Variants in LIFR observed in about 807,000 individuals in gnomAD.
LIFR encodes the protein LIF receptor subunit alpha, also known as leukemia inhibitory factor receptor.
Under a neutral mutation model 122.2 loss-of-function variants are expected in LIFR, and 84 were observed. The ratio of observed to expected loss-of-function variants is 0.69; its 90% CI spans 0.58 to 0.82. The LOEUF is 0.82. LIFR is among the 40% of genes least tolerant of loss of function. LIFR has a pLI of 0.00. For synonymous variants in LIFR, 422 were observed against 434.7 expected, an observed-to-expected ratio of 0.97 and a Z score of 0.36; for missense variants, 1,294 against 1,311.6, an observed-to-expected ratio of 0.99 and a Z score of 0.21.
intron 1 of LIFR, among the ~76,000 whole-genome samples, chr5:38,567,508 T>TTATTTATG (rs1289925358): frequency 9.6e-5 from 14 of 145,454 alleles, no homozygotes; most frequent in African/African-American, 3.3e-4. Context: ...ATTTATTTAT[T>TTATTTATG]TATTTATTTA....
chr5:38,595,888 C>T (rs917266831), upstream of LIFR, among the ~76,000 whole-genome samples: 2 of 151,752 alleles, frequency 1.3e-5, no homozygotes, highest in African/African-American at 4.8e-5. Context: ...CGCCCGCCAC[C>T]GCGCCCGGCT....
chr5:38,564,755 C>T (rs1748958685), intron 1 of LIFR, among the ~76,000 whole-genome samples: 1 of 150,838 alleles, frequency 6.6e-6, no homozygotes, highest in Admixed American at 6.6e-5. Flanking sequence ...CACACACACA[C>T]ACACACACAC....
Position 38,511,956 on chromosome 5 carries a change from G to A in LIFR, c.570C>T (p.His190=). 1 of 1,613,934 alleles carries A rather than the reference G, an allele frequency of 6.2e-7. No homozygotes were observed. Among genetic ancestry groups the A allele is most frequent in the Non-Finnish European group, 8.5e-7 (1 of 1,179,938 alleles). The change falls in exon 6 of 20, where the codon CAC becomes CAT. Residue 190 remains histidine, a synonymous_variant. Transcript: ENST00000453190. ...ESMELVKLVT[H]NTTLNGKDTL... Reference sequence around the variant, plus strand: ...TATCTTTGCCATTCAGAGTTGTGTTGTGGGTCACCTAAAAATGAACACAAA... The same window carrying A: ...TATCTTTGCCATTCAGAGTTGTGTTATGGGTCACCTAAAAATGAACACAAA...
intron 1 of LIFR, among the ~76,000 whole-genome samples, chr5:38,567,015 G>A (rs963096734): frequency 3.9e-5 from 6 of 152,126 alleles, no homozygotes; most frequent in African/African-American, 9.7e-5. Context: ...AACCTGCAGC[G>A]CACAGTGTCA....
At chr5:38,566,494 T>G (rs1392705989) in intron 1 of LIFR, among the ~76,000 whole-genome samples, 1 of 152,208 alleles carries the variant, frequency 6.6e-6, no homozygotes, top group Non-Finnish European at 1.5e-5. Flanking sequence ...TATTAATATC[T>G]CTATACTCTT....
chr5:38,528,535 C>T, intron 3 of LIFR, 191 bp downstream of exon 3: 1 of 624,544 alleles, frequency 1.6e-6, no homozygotes, highest in Non-Finnish European at 2.9e-6. Flanking sequence ...CCTCTTCTCA[C>T]CTTGCCATCA....
At chr5:38,572,274 G>A (rs1226058480) in intron 1 of LIFR, among the ~76,000 whole-genome samples, 3 of 152,132 alleles carry the variant, frequency 2.0e-5, no homozygotes, top group Non-Finnish European at 2.9e-5. Context: ...AGGAGCAGGT[G>A]TCTTACATGG....
chr5:38,500,398 C>T (rs1182709754), intron 11 of LIFR, among the ~76,000 whole-genome samples: 2 of 152,156 alleles, frequency 1.3e-5, no homozygotes, highest in African/African-American at 4.8e-5. Context: ...TCTGCATATA[C>T]ATAATGAAAT....
intron 5 of LIFR, among the ~76,000 whole-genome samples, chr5:38,514,892 T>C (rs989538674): frequency 3.3e-5 from 5 of 152,226 alleles, no homozygotes; most frequent in African/African-American, 1.2e-4. Context: ...GTAGGTTGTA[T>C]GCTAACGCTA....
At chr5:38,564,192 C>T (rs926984629) in intron 1 of LIFR, among the ~76,000 whole-genome samples, 8 of 151,748 alleles carry the variant, frequency 5.3e-5, no homozygotes, top group South Asian at 4.2e-4. Flanking sequence ...AGGATCAGCC[C>T]ATCCCCCTTC....
intron 2 of LIFR, among the ~76,000 whole-genome samples, chr5:38,601,601 C>T (rs1750223618): frequency 6.6e-6 from 1 of 152,208 alleles, no homozygotes; most frequent in Admixed American, 6.5e-5. Flanking sequence ...TTCCAGACCA[C>T]ATTTCCATGA....
intron 1 of LIFR, among the ~76,000 whole-genome samples, chr5:38,591,544 G>A (rs1749921805): frequency 6.6e-6 from 1 of 152,170 alleles, no homozygotes; most frequent in South Asian, 2.1e-4. Context: ...TTGGCTTAAT[G>A]ACTATGTTTA....
intron 5 of LIFR, 75 bp downstream of exon 5, chr5:38,523,344 C>A (rs1237219762): frequency 1.1e-5 from 13 of 1,211,152 alleles, no homozygotes; most frequent in Non-Finnish European, 1.5e-5. Flanking sequence ...TTCACTGATA[C>A]CACCTTAAGG....
chr5:38,484,499 A>T (rs1162715198), intron 18 of LIFR, among the ~76,000 whole-genome samples: 1 of 152,218 alleles, frequency 6.6e-6, no homozygotes, highest in African/African-American at 2.4e-5. Flanking sequence ...CTATTGCCAT[A>T]TTTCAGCCTA....
At position 38,489,222 on chromosome 5, in the gene LIFR, T is replaced by C; in HGVS notation, c.2191A>G (p.Thr731Ala). ...ELAPIVAPNF[T>A]VEDTSADSIL... ...GAATCTGCAGAAGTATCCTCAACAG[T>C]AAAATTTGGTGCAACAATGGGAGCT... Residue 731 changes from threonine to alanine, a missense_variant, in exon 16 of 20, where the codon ACT (threonine) becomes GCT (alanine). Coordinates refer to ENST00000453190, the MANE Select transcript of LIFR (RefSeq NM_001127671.2). The C allele has an allele frequency of 6.2e-7, 1 of 1,613,016 alleles. No homozygotes were observed. Among genetic ancestry groups the C allele is most frequent in the African/African-American group, 1.3e-5 (1 of 75,028 alleles).
intron 5 of LIFR, among the ~76,000 whole-genome samples, chr5:38,518,619 A>G (rs1268811248): frequency 6.6e-6 from 1 of 152,244 alleles, no homozygotes; most frequent in Non-Finnish European, 1.5e-5. Flanking sequence ...TATAACACAT[A>G]TAATTGTGCT....
rs566477698 is a variant in LIFR, at chr5:38,530,091, A to G, written c.142+415T>C. 8.0e-4 allele frequency among the ~76,000 whole-genome samples: 122 copies of G among 152,346 alleles called. 1 individual carries two copies. The highest frequency in any genetic ancestry group is 2.9e-3 in the African/African-American group (121 of 41,588). ...TGACATTCTAAAAAGGTAACATTAT[A>G]GAGACAGAAAACAGTGTCTATGGAG... is the stretch of plus-strand genomic sequence containing the variant. On this transcript the variant is annotated intron_variant, in intron 2 of 19. Transcript: ENST00000453190.
At chr5:38,561,219 A>G (rs910790686), upstream of LIFR, among the ~76,000 whole-genome samples, 1 of 152,194 alleles carries the variant, frequency 6.6e-6, no homozygotes, top group South Asian at 2.1e-4. Flanking sequence ...GAGGGACACT[A>G]CACAACAATT....
At chr5:38,496,702 C>T in intron 12 of LIFR, 107 bp from the exon 13 acceptor site, 1 of 826,594 alleles carries the variant, frequency 1.2e-6, no homozygotes, top group Non-Finnish European at 2.1e-6. Flanking sequence ...CAAGGTTGGC[C>T]AGGCGTGGTG....
Sources: gnomAD v4.1 joint callset for allele counts (sites outside exome capture counted in the v4.1 genomes callset) on GRCh38, gnomAD v4.1.1 for gene constraint, MANE v1.5 for transcripts, NCBI Gene and HGNC (gene_info 2026-07-23, HGNC 2026-07-21) for gene names.